The following STXBP3 variants were observed in gnomAD, a reference collection of about 807,000 sequenced individuals.
STXBP3 encodes syntaxin binding protein 3, also known as syntaxin-binding protein 3.
STXBP3 carries 41 observed loss-of-function variants against 85.7 expected under a neutral mutation model. The ratio of observed to expected loss-of-function variants is 0.48; its 90% CI spans 0.37 to 0.62. The LOEUF is 0.62. Ranked by LOEUF, STXBP3 falls within the 20% of genes least tolerant of loss-of-function variation. STXBP3 has a pLI of 0.00. For missense variants in STXBP3, 563 were observed against 703.1 expected, an observed-to-expected ratio of 0.80 and a Z score of 2.25; for synonymous variants, 229 against 231.7, an observed-to-expected ratio of 0.99 and a Z score of 0.10.
intron 18 of STXBP3, among the ~76,000 whole-genome samples, chr1:108,808,233 C>G (rs913705637): frequency 1.3e-5 from 2 of 152,142 alleles, no homozygotes; most frequent in Non-Finnish European, 2.9e-5. Context: ...GAATTTCAGG[C>G]CAGGCTAGTG....
At chr1:108,801,564 C>G (rs986502962) in intron 17 of STXBP3, among the ~76,000 whole-genome samples, 7 of 152,074 alleles carry the variant, frequency 4.6e-5, no homozygotes, top group African/African-American at 1.7e-4. Flanking sequence ...CACTTCAAGC[C>G]TGTATGGCTT....
chr1:108,795,423 G>T (rs1033710647), intron 13 of STXBP3, among the ~76,000 whole-genome samples: 1 of 151,888 alleles, frequency 6.6e-6, no homozygotes, highest in Admixed American at 6.6e-5. Context: ...AGCTATTCAG[G>T]AGGCTGAGGT....
chr1:108,793,515 T>C lies in STXBP3; in HGVS notation c.964-67T>C, dbSNP rs1404173346. The C allele has an allele frequency of 2.2e-6, 3 of 1,355,632 alleles. No homozygotes were observed. In the East Asian group the frequency reaches 7.1e-5, roughly 32 times the overall value. The allele number at this position is 1,355,632 out of a possible 1,614,324, so 84.0% of individuals were successfully genotyped here. Reference sequence around the variant, plus strand: ...TTTGATAATTTGTAAAACTCTAGGATTTCAAAGTTGTAATATGGAATAACT... The same window carrying C: ...TTTGATAATTTGTAAAACTCTAGGACTTCAAAGTTGTAATATGGAATAACT... On this transcript the variant is annotated intron_variant, in intron 11 of 18. Transcript: ENST00000370008.
At chr1:108,798,380 C>T in intron 16 of STXBP3, 143 bp downstream of exon 16, 2 of 347,030 alleles carry the variant, frequency 5.8e-6, no homozygotes, top group Non-Finnish European at 1.1e-5. Flanking sequence ...AAGCCTGTAT[C>T]TGGGAAACTC....
chr1:108,752,306 G>A lies in STXBP3; in HGVS notation c.99G>A (p.Lys33=), dbSNP rs1216506819. ...FDDCKKEGEW[K]IMLLDEFTTK... is the part of the protein sequence containing the mutation. ...ACTGCAAGAAAGAAGGCGAATGGAAGGTAGAGTTTGCATACCTTGCTCTTA... is the reference window on the plus strand; with the variant it reads ...ACTGCAAGAAAGAAGGCGAATGGAAAGTAGAGTTTGCATACCTTGCTCTTA... Residue 33 remains lysine, a splice_region_variant and synonymous_variant, in exon 2 of 19, where the codon AAG becomes AAA. Transcript: ENST00000370008. 1 of 1,609,764 alleles carries A rather than the reference G, an allele frequency of 6.2e-7. No individual in the cohort carries two copies. Among genetic ancestry groups the A allele is most frequent in the South Asian group, 1.1e-5 (1 of 90,270 alleles).
At chr1:108,791,440 G>C (rs2101129606) in intron 11 of STXBP3, among the ~76,000 whole-genome samples, 1 of 151,588 alleles carries the variant, frequency 6.6e-6, no homozygotes, top group Admixed American at 6.6e-5. Flanking sequence ...TCTTCCTTTT[G>C]TCCCATCCTC....
At chr1:108,782,567 GAT>G in intron 10 of STXBP3, 50 bp downstream of exon 10, 7 of 1,599,480 alleles carry the variant, frequency 4.4e-6, no homozygotes, top group Non-Finnish European at 6.0e-6. Context: ...GACACTATGT[GAT>G]AGTACATTTT....
At chr1:108,759,091 T>C (rs752069072) in intron 5 of STXBP3, 5 of 152,188 alleles carry the variant, frequency 3.3e-5, no homozygotes, top group Admixed American at 1.3e-4. Flanking sequence ...AACTGGTAAC[T>C]AAAGAATCAC....
intron 1 of STXBP3, among the ~76,000 whole-genome samples, chr1:108,747,085 C>T (rs1383433691): frequency 2.0e-5 from 3 of 152,110 alleles, no homozygotes; most frequent in East Asian, 3.9e-4. Context: ...GGCTTTCCCT[C>T]CCGCGGAGCC....
chr1:108,755,764 A>AT (rs1217610196), intron 3 of STXBP3, among the ~76,000 whole-genome samples: 1 of 152,148 alleles, frequency 6.6e-6, no homozygotes, highest in East Asian at 1.9e-4. Flanking sequence ...TTAAACCTTA[A>AT]TTTTTTCAAG....
At chr1:108,769,076 A>T (rs181605601) in intron 6 of STXBP3, among the ~76,000 whole-genome samples, 20 of 127,050 alleles carry the variant, frequency 1.6e-4, no homozygotes, top group Admixed American at 1.5e-3. Flanking sequence ...CTGATAACAT[A>T]AACAATAGAA....
rs1189147391 is a variant in STXBP3, at chr1:108,765,302, A to G, written c.438+5217A>G. The stretch of plus-strand genomic sequence containing the variant: ...CTGTTAGGTTCATCACATGGGTGCA[A>G]CCATTGTCAGTAGAAAACAAACAGG... On this transcript the variant is annotated intron_variant, in intron 6 of 18. Transcript: ENST00000370008. Among the ~76,000 whole-genome samples, 6 of 152,170 alleles carry G rather than the reference A, an allele frequency of 3.9e-5. No individual in the cohort carries two copies. In the East Asian group the frequency reaches 1.2e-3, roughly 29 times the overall value.
intron 7 of STXBP3, among the ~76,000 whole-genome samples, chr1:108,773,745 G>T (rs541537093): frequency 6.6e-6 from 1 of 152,160 alleles, no homozygotes; most frequent in South Asian, 2.1e-4. Flanking sequence ...TCTTTGGGAT[G>T]TGGGAGGAAA....
chr1:108,753,237 C>A, intron 3 of STXBP3, 93 bp downstream of exon 3: 1 of 811,754 alleles, frequency 1.2e-6, no homozygotes, highest in Non-Finnish European at 1.8e-6. Context: ...TTCTAAGGAG[C>A]TTATTTTTTT....
Position 108,771,450 on chromosome 1 carries a change from ATC to A in STXBP3, c.439-1214_439-1213del, listed in dbSNP as rs1301481240. On this transcript the variant is annotated intron_variant, in intron 6 of 18. Coordinates refer to ENST00000370008, the MANE Select transcript of STXBP3 (RefSeq NM_007269.4). ...ATATATATGATATATATCTATATAT[ATC>A]ATATATAAATATATATGATATATAT... is the stretch of plus-strand genomic sequence containing the variant. Among the ~76,000 whole-genome samples, 19 of 82,810 alleles carry A rather than the reference ATC, an allele frequency of 2.3e-4. 2 individuals are homozygous for A. Among genetic ancestry groups the A allele is most frequent in the Admixed American group, 9.3e-4 (6 of 6,460 alleles). 54.3% of individuals were successfully genotyped at this position (82,810 alleles called of 152,430 possible).
intron 3 of STXBP3, among the ~76,000 whole-genome samples, chr1:108,753,609 TA>T (rs1661954555): frequency 6.6e-6 from 1 of 152,146 alleles, no homozygotes; most frequent in Non-Finnish European, 1.5e-5. Context: ...ATTATAAGTT[TA>T]AATCAGTTTT....
intron 4 of STXBP3, 112 bp from the exon 5 acceptor site, chr1:108,758,397 GC>G (rs3841723): frequency 0.4 from 197,327 of 492,694 alleles, 41,147 homozygotes; most frequent in Non-Finnish European, 0.44. Context: ...TAAACTTTTA[GC>G]CAGTAAAGTT....
intron 8 of STXBP3, 87 bp from the exon 9 acceptor site, chr1:108,779,193 TAGGAAA>T: frequency 9.5e-6 from 13 of 1,362,544 alleles, no homozygotes; most frequent in Non-Finnish European, 1.3e-5. Flanking sequence ...GGACAGAACT[TAGGAAA>T]AGGGTGCTTT....
At chr1:108,771,395 AT>A (rs1340753860) in intron 6 of STXBP3, among the ~76,000 whole-genome samples, 16 of 104,370 alleles carry the variant, frequency 1.5e-4, no homozygotes, top group African/African-American at 5.3e-4. Context: ...ATAAATATAT[AT>A]GATATATATC....
Sources: gnomAD v4.1 joint callset for allele counts (sites outside exome capture counted in the v4.1 genomes callset) on GRCh38, gnomAD v4.1.1 for gene constraint, MANE v1.5 for transcripts, NCBI Gene and HGNC (gene_info 2026-07-23, HGNC 2026-07-21) for gene names.